Variants in TAF3 observed in about 807,000 individuals in gnomAD.
TAF3 encodes the protein transcription initiation factor TFIID subunit 3.
Under a neutral mutation model 80.6 loss-of-function variants are expected in TAF3, and 7 were observed. The observed-to-expected ratio is 0.09, with a 90% CI of 0.05 to 0.16. The LOEUF (loss-of-function observed/expected upper bound fraction) is 0.16. Among genes scored for constraint, TAF3 ranks in the 10% least tolerant of loss-of-function variants. TAF3 has a pLI of 1.00. For synonymous variants in TAF3, 444 were observed against 446.1 expected (o/e 1.00, Z 0.06); for missense variants, 921 against 1,140.2 (o/e 0.81, Z 2.77).
intron 2 of TAF3, among the ~76,000 whole-genome samples, chr10:7,882,435 G>A (rs547068158): frequency 6.6e-5 from 10 of 152,212 alleles, no homozygotes; most frequent in African/African-American, 2.4e-4. Flanking sequence ...ATGAGAAAAG[G>A]AATCTTCAGA....
chr10:7,818,635 G>T lies in TAF3; in HGVS notation c.-75G>T. On this transcript the variant is annotated 5_prime_UTR_variant, in exon 1 of 7. Coordinates refer to ENST00000344293, the MANE Select transcript of TAF3 (RefSeq NM_031923.4). ...CGCGGAAGCCCTAGAGGATGAATCGGGGACCCTGCTAAGGTCTGGCGGCGG... is the reference window on the plus strand; with the variant it reads ...CGCGGAAGCCCTAGAGGATGAATCGTGGACCCTGCTAAGGTCTGGCGGCGG... 6.6e-7 allele frequency: 1 copy of T among 1,506,094 alleles called. No homozygotes were observed. The highest frequency in any genetic ancestry group is 8.9e-7 in the Non-Finnish European group (1 of 1,129,754). 93.3% of individuals were successfully genotyped at this position (1,506,094 alleles called of 1,614,324 possible).
intron 2 of TAF3, among the ~76,000 whole-genome samples, chr10:7,860,268 C>G (rs1837130459): frequency 6.7e-6 from 1 of 150,040 alleles, no homozygotes; most frequent in Non-Finnish European, 1.5e-5. Context: ...AGAGCCAGAC[C>G]CTGTCTGGAA....
chr10:7,971,452 G>GTTTTT (rs5783006), intron 3 of TAF3, among the ~76,000 whole-genome samples: 1 of 139,264 alleles, frequency 7.2e-6, no homozygotes, highest in African/African-American at 2.7e-5. Flanking sequence ...CATATATGGT[G>GTTTTT]TTTTTTTTTT....
intron 3 of TAF3, among the ~76,000 whole-genome samples, chr10:7,974,747 A>G (rs1831653921): frequency 6.6e-6 from 1 of 152,156 alleles, no homozygotes; most frequent in Non-Finnish European, 1.5e-5. Flanking sequence ...AAGAGAAGTT[A>G]AGAAAATGTT....
At chr10:7,876,439 ATTG>A (rs1837312771) in intron 2 of TAF3, among the ~76,000 whole-genome samples, 1 of 152,288 alleles carries the variant, frequency 6.6e-6, no homozygotes, top group Admixed American at 6.5e-5. Context: ...TAAAGTACAT[ATTG>A]TTTTCTAAAA....
chr10:7,843,628 C>T (rs1435825232), intron 2 of TAF3, among the ~76,000 whole-genome samples: 3 of 144,754 alleles, frequency 2.1e-5, no homozygotes, highest in African/African-American at 7.6e-5. Context: ...TGTGTGTCTC[C>T]CCTATCTCTT....
chr10:7,939,045 A>C (rs768953064), intron 2 of TAF3, among the ~76,000 whole-genome samples: 1 of 152,236 alleles, frequency 6.6e-6, no homozygotes, highest in Non-Finnish European at 1.5e-5. Flanking sequence ...CCTGCAGAGA[A>C]GATTATGGGA....
intron 2 of TAF3, among the ~76,000 whole-genome samples, chr10:7,924,608 C>T (rs1035019964): frequency 3.3e-5 from 5 of 152,132 alleles, no homozygotes; most frequent in Non-Finnish European, 5.9e-5. Context: ...CTTAAGAATG[C>T]GCTATCTTGG....
chr10:7,854,378 A>G (rs1238988346), intron 2 of TAF3, among the ~76,000 whole-genome samples: 2 of 152,246 alleles, frequency 1.3e-5, no homozygotes, highest in Admixed American at 6.5e-5. Flanking sequence ...AACAATTTCT[A>G]GGTCCACACT....
intron 2 of TAF3, among the ~76,000 whole-genome samples, chr10:7,944,802 T>C (rs1247339281): frequency 2.6e-5 from 4 of 152,228 alleles, no homozygotes; most frequent in Non-Finnish European, 5.9e-5. Context: ...GGAGACCTTA[T>C]CTTAAGCAAT....
At position 7,928,803 on chromosome 10, in the gene TAF3, G is replaced by A. The variant is rs367840720; in HGVS notation, c.410-35117G>A. Reference sequence around the variant, plus strand: ...GTCATTTAGCAGCTTTTGTTTTCAGGTTCAGAGAGCTATATTCTGAAATAC... The same window carrying A: ...GTCATTTAGCAGCTTTTGTTTTCAGATTCAGAGAGCTATATTCTGAAATAC... On this transcript the variant is annotated intron_variant, in intron 2 of 6. Transcript: ENST00000344293. 1.5e-3 allele frequency among the ~76,000 whole-genome samples: 232 copies of A among 152,134 alleles called. 1 individual carries two copies. The highest frequency in any genetic ancestry group is 5.4e-3 in the African/African-American group (223 of 41,506).
At chr10:7,959,799 A>G (rs1838171827) in intron 2 of TAF3, among the ~76,000 whole-genome samples, 2 of 152,236 alleles carry the variant, frequency 1.3e-5, no homozygotes, top group African/African-American at 4.8e-5. Flanking sequence ...ACATTAGTAA[A>G]ATAATATATC....
At position 7,941,629 on chromosome 10, in the gene TAF3, G is replaced by A. The variant is rs78785065; in HGVS notation, c.410-22291G>A. The stretch of plus-strand genomic sequence containing the variant: ...TCATCATCCTGGACATCCTTGCTGC[G>A]CCGATGCCTTCGAGGCTGTGAAATC... On this transcript the variant is annotated intron_variant, in intron 2 of 6. Coordinates refer to ENST00000344293, the MANE Select transcript of TAF3 (RefSeq NM_031923.4). Among the ~76,000 whole-genome samples, 651 of 152,280 alleles carry A rather than the reference G, an allele frequency of 4.3e-3. 7 individuals carry two copies. The highest frequency in any genetic ancestry group is 0.015 in the African/African-American group (612 of 41,572).
intron 2 of TAF3, among the ~76,000 whole-genome samples, chr10:7,854,679 T>A (rs141970364): frequency 6.7e-6 from 1 of 150,298 alleles, no homozygotes; most frequent in East Asian, 2.0e-4. Flanking sequence ...GGAGGGGAGC[T>A]TCACTAGGAA....
intron 2 of TAF3, among the ~76,000 whole-genome samples, chr10:7,889,850 C>A (rs1564357439): frequency 6.6e-6 from 1 of 152,124 alleles, no homozygotes; most frequent in African/African-American, 2.4e-5. Context: ...GTTGTACCTC[C>A]TAAATATTAA....
At chr10:7,887,830 A>C (rs756578072) in intron 2 of TAF3, among the ~76,000 whole-genome samples, 1 of 151,986 alleles carries the variant, frequency 6.6e-6, no homozygotes, top group African/African-American at 2.4e-5. Flanking sequence ...AAAAAAAAAA[A>C]CACCAAAACA....
Position 8,009,030 on chromosome 10 carries a change from C to T in TAF3, c.2316-48C>T, listed in dbSNP as rs1043701278. Reference sequence around the variant, plus strand: ...CATGTTTTTAAGCACGGGTTTGGTTCGATGATGATCCTGTTTTGACTTTTA... The same window carrying T: ...CATGTTTTTAAGCACGGGTTTGGTTTGATGATGATCCTGTTTTGACTTTTA... On this transcript the variant is annotated intron_variant, in intron 4 of 6. Coordinates refer to ENST00000344293, the MANE Select transcript of TAF3 (RefSeq NM_031923.4). This position sits in a 1 kb window ranked among gnomAD's most constrained non-coding sequence, Gnocchi z 4.1. 1.9e-6 allele frequency: 3 copies of T among 1,563,090 alleles called. No homozygotes were observed. The highest frequency in any genetic ancestry group is 3.4e-5 in the Admixed American group (2 of 58,540).
At chr10:7,996,127 A>G (rs1213076900) in intron 4 of TAF3, among the ~76,000 whole-genome samples, 1 of 152,194 alleles carries the variant, frequency 6.6e-6, no homozygotes, top group Non-Finnish European at 1.5e-5. Context: ...ATTTGAAGCA[A>G]TAAACATCAG....
intron 4 of TAF3, among the ~76,000 whole-genome samples, chr10:7,978,758 A>G (rs1831696355): frequency 6.6e-6 from 1 of 152,230 alleles, no homozygotes; most frequent in South Asian, 2.1e-4. Flanking sequence ...CCATCATTCA[A>G]CAAGTACTTT....
Sources: allele counts gnomAD v4.1 joint callset (sites outside exome capture counted in the v4.1 genomes callset), GRCh38; gene constraint gnomAD v4.1.1; non-coding constraint Gnocchi (gnomAD v3.1); transcripts MANE v1.5; gene names NCBI Gene and HGNC (gene_info 2026-07-23, HGNC 2026-07-21).